GPR55: variants seen among roughly 807,000 people sequenced by gnomAD.
GPR55 encodes G-protein coupled receptor 55.
Under a neutral mutation model 7.9 loss-of-function variants are expected in GPR55, and 6 were observed. The observed-to-expected ratio is 0.76, with a 90% CI of 0.41 to 1.49. The LOEUF (loss-of-function observed/expected upper bound fraction) is 1.49. Ranked by LOEUF, GPR55 falls within the 40% of genes most tolerant of loss-of-function variation. The pLI is 0.01. For synonymous variants in GPR55, 183 were observed against 166.8 expected (o/e 1.10, Z -0.75); for missense variants, 376 against 406.0 (o/e 0.93, Z 0.63).
chr2:230,929,148 C>T (rs751632859), upstream of GPR55, among the ~76,000 whole-genome samples: 2 of 152,160 alleles, frequency 1.3e-5, no homozygotes, highest in East Asian at 1.9e-4. Flanking sequence ...CCACTGCATC[C>T]GGCCACCAAG....
At position 230,944,473 on chromosome 2, in the gene GPR55, G is replaced by A. The variant is rs1691281432; in HGVS notation, c.-135+16302C>T. On this transcript the variant is annotated intron_variant, in intron 1 of 1. Coordinates refer to the GPR55 transcript ENST00000392039. The surrounding 1 kb of genome is among the most constrained non-coding windows in gnomAD (Gnocchi z 4.2). ...CCGTGGTTTCCAGTAACCATCGCTG[G>A]TTAGTTCAGAGGGAAATGTCCACAA... Among the ~76,000 whole-genome samples, 2 of 152,176 alleles carry A rather than the reference G, an allele frequency of 1.3e-5. No individual in the cohort carries two copies. The highest frequency in any genetic ancestry group is 1.9e-4 in the East Asian group (1 of 5,196).
chr2:230,938,207 T>G (rs1014454002), intron 1 of GPR55, among the ~76,000 whole-genome samples: 4 of 141,196 alleles, frequency 2.8e-5, no homozygotes, highest in African/African-American at 7.8e-5. Flanking sequence ...TAATTGGGGG[T>G]TTGTGTAAAA....
chr2:230,941,056 G>T (rs1190826180), intron 1 of GPR55, among the ~76,000 whole-genome samples: 1 of 152,036 alleles, frequency 6.6e-6, no homozygotes, highest in Non-Finnish European at 1.5e-5. Flanking sequence ...GGCGGAGGTT[G>T]CAGTGAGCCA....
intron 1 of GPR55, among the ~76,000 whole-genome samples, chr2:230,938,930 A>G (rs990981212): frequency 1.3e-5 from 2 of 152,242 alleles, no homozygotes; most frequent in African/African-American, 4.8e-5. Flanking sequence ...AGCTCATTAA[A>G]TATCGCCCCC....
intron 1 of GPR55, among the ~76,000 whole-genome samples, chr2:230,917,739 C>T (rs1690748395): frequency 6.6e-6 from 1 of 152,000 alleles, no homozygotes; most frequent in Non-Finnish European, 1.5e-5. Flanking sequence ...GGCTTGAGTC[C>T]AGGAGGTCGA....
chr2:230,943,066 A>AAAAGAGAGAGAGAGGAGAG (rs60087835), intron 1 of GPR55, among the ~76,000 whole-genome samples: 1,802 of 149,336 alleles, frequency 0.012, 51 homozygotes, highest in African/African-American at 0.041. Context: ...AGGGAGAGAG[A>AAAAGAGAGAGAGAGGAGAG]AAAGAGAGAG....
At chr2:230,946,805 T>C (rs1691324895) in intron 1 of GPR55, among the ~76,000 whole-genome samples, 1 of 152,202 alleles carries the variant, frequency 6.6e-6, no homozygotes, top group Admixed American at 6.5e-5. Context: ...TCAGACCTTT[T>C]AGGGACCTCC....
chr2:230,922,241 G>C (rs1458034079), intron 1 of GPR55, among the ~76,000 whole-genome samples: 2 of 152,190 alleles, frequency 1.3e-5, no homozygotes, highest in African/African-American at 4.8e-5. Flanking sequence ...TATGTGACGT[G>C]TGGAAAGGGA....
intron 1 of GPR55, among the ~76,000 whole-genome samples, chr2:230,921,895 T>C (rs1417101111): frequency 1.3e-5 from 2 of 152,180 alleles, no homozygotes; most frequent in Non-Finnish European, 2.9e-5. Flanking sequence ...CACAAGGTCA[T>C]CCATCCTCCA....
At position 230,910,141 on chromosome 2, in the gene GPR55, C is replaced by T. The variant is rs767228119; in HGVS notation, c.822G>A (p.Met274Ile). The T allele has an allele frequency of 1.9e-6, 3 of 1,614,186 alleles. No individual in the cohort carries two copies. The South Asian group carries it at 3.3e-5, about 18-fold the overall frequency. ...QSISFFLQLS[M>I]CFSNVNCCLD... ...GGCAGCAGTTGACGTTGGAGAAACACATGGACAATTGCAAGAAGAAGCTGA... is the reference window on the plus strand; with the variant it reads ...GGCAGCAGTTGACGTTGGAGAAACATATGGACAATTGCAAGAAGAAGCTGA... Residue 274 changes from methionine (M) to isoleucine (I), a missense_variant, in exon 2 of 2, where the codon ATG becomes ATA. Met to Ile is a conservative substitution (Grantham distance 10, BLOSUM62 1). Transcript: ENST00000650999. The surrounding 1 kb of genome is among the most constrained non-coding windows in gnomAD (Gnocchi z 5.4).
chr2:230,928,066 G>A (rs964928088), upstream of GPR55, among the ~76,000 whole-genome samples: 6 of 152,216 alleles, frequency 3.9e-5, no homozygotes, highest in African/African-American at 1.4e-4. Flanking sequence ...ACAGGCAGGA[G>A]GGGCACGGGG....
intron 1 of GPR55, among the ~76,000 whole-genome samples, chr2:230,945,214 G>A (rs1020631124): frequency 6.6e-6 from 1 of 152,222 alleles, no homozygotes; most frequent in Non-Finnish European, 1.5e-5. Context: ...CCAGAATGAA[G>A]CGGGGACGTG....
At chr2:230,920,000 TA>T (rs1232408534) in intron 1 of GPR55, among the ~76,000 whole-genome samples, 2 of 150,372 alleles carry the variant, frequency 1.3e-5, no homozygotes, top group African/African-American at 2.5e-5. Context: ...AAAAAAAACC[TA>T]AAAAAAGATT....
At chr2:230,943,085 GA>G (rs748476919) in intron 1 of GPR55, among the ~76,000 whole-genome samples, 1 of 136,984 alleles carries the variant, frequency 7.3e-6, no homozygotes, top group Admixed American at 7.4e-5. Context: ...AGAGAGGAGA[GA>G]AAGAGAGAGA....
upstream of GPR55, among the ~76,000 whole-genome samples, chr2:230,928,196 C>T (rs751720749): frequency 1.8e-4 from 28 of 152,130 alleles, no homozygotes; most frequent in Non-Finnish European, 3.5e-4. Context: ...AGGGAACACA[C>T]GCTTGGCACA....
intron 1 of GPR55, among the ~76,000 whole-genome samples, chr2:230,916,963 A>G (rs1382130356): frequency 1.3e-5 from 2 of 152,384 alleles, no homozygotes; most frequent in Middle Eastern, 3.4e-3. Flanking sequence ...TGAAGGGTGC[A>G]CTTAAATGAC....
At chr2:230,945,843 T>C (rs1197377096) in intron 1 of GPR55, among the ~76,000 whole-genome samples, 1 of 152,224 alleles carries the variant, frequency 6.6e-6, no homozygotes, top group Non-Finnish European at 1.5e-5. Context: ...AGTGCTGGGA[T>C]TACAGGGCTG....
intron 1 of GPR55, among the ~76,000 whole-genome samples, chr2:230,954,918 C>A (rs1691457195): frequency 6.6e-6 from 1 of 152,212 alleles, no homozygotes; most frequent in African/African-American, 2.4e-5. Flanking sequence ...CTCTTTCTCC[C>A]TGAGCCTGGA....
intron 1 of GPR55, among the ~76,000 whole-genome samples, chr2:230,911,731 T>G (rs968639255): frequency 6.6e-6 from 1 of 151,958 alleles, no homozygotes; most frequent in Non-Finnish European, 1.5e-5. Flanking sequence ...AATGGAGAGA[T>G]ATGGGAGAAA....
Sources: allele counts gnomAD v4.1 joint callset (sites outside exome capture counted in the v4.1 genomes callset), GRCh38; gene constraint gnomAD v4.1.1; non-coding constraint Gnocchi (gnomAD v3.1); transcripts MANE v1.5; gene names NCBI Gene and HGNC (gene_info 2026-07-23, HGNC 2026-07-21).